SPEF2: variants seen among roughly 807,000 people sequenced by gnomAD.
SPEF2 encodes the protein sperm flagella and cilia-associated protein 2.
A neutral mutation model predicts 224.6 loss-of-function variants in SPEF2; 187 were observed. The ratio of observed to expected loss-of-function variants is 0.83; its 90% CI spans 0.74 to 0.94. SPEF2 has a LOEUF of 0.94. Ranked by LOEUF, SPEF2 falls within the 40% of genes least tolerant of loss-of-function variation. The pLI is 0.00. For synonymous variants in SPEF2, 715 were observed against 707.3 expected, an observed-to-expected ratio of 1.01 and a Z score of -0.17; for missense variants, 2,170 against 2,135.6, an observed-to-expected ratio of 1.02 and a Z score of -0.32.
intron 2 of SPEF2, 138 bp from the exon 3 acceptor site, chr5:35,641,293 T>G: frequency 1.1e-6 from 1 of 912,528 alleles, no homozygotes; most frequent in Non-Finnish European, 1.6e-6. Flanking sequence ...TACATTAGAG[T>G]GGTTTTAGAG....
At chr5:35,719,133 T>G (rs1743153151) in intron 20 of SPEF2, among the ~76,000 whole-genome samples, 1 of 152,188 alleles carries the variant, frequency 6.6e-6, no homozygotes, top group Non-Finnish European at 1.5e-5. Context: ...GATAATTGCT[T>G]AGAACTAGAA....
intron 14 of SPEF2, 85 bp downstream of exon 14, chr5:35,695,881 G>C: frequency 1.0e-6 from 1 of 972,848 alleles, no homozygotes; most frequent in Non-Finnish European, 1.5e-6. Context: ...CGAATGCAAT[G>C]AAATTGCAAT....
rs2149575264 is a variant in SPEF2 at position 35,704,578 on chromosome 5, C to T, written c.2423C>T (p.Ala808Val). The change falls in exon 17 of 37, where the codon GCT (alanine) becomes GTT (valine). Residue 808 changes from alanine (A) to valine (V), a missense_variant. Ala to Val is a moderately conservative substitution (Grantham distance 64, BLOSUM62 0). Coordinates refer to ENST00000356031, the MANE Select transcript of SPEF2 (RefSeq NM_024867.4). ...GCTGAAGAATTGTCCTATAAAACTG[C>T]TCACGAAGATATCAGTCAACGTGTA... ...IIAEELSYKT[A>V]HEDISQRVAA... 6.2e-7 allele frequency: 1 copy of T among 1,612,016 alleles called. No homozygotes were observed. Among genetic ancestry groups the T allele is most frequent in the Non-Finnish European group, 8.5e-7 (1 of 1,178,970 alleles).
At chr5:35,771,405 T>C (rs1752835233) in intron 26 of SPEF2, among the ~76,000 whole-genome samples, 1 of 152,064 alleles carries the variant, frequency 6.6e-6, no homozygotes, top group African/African-American at 2.4e-5. Context: ...ACATAGATGG[T>C]GGAAGGGAAG....
intron 1 of SPEF2, among the ~76,000 whole-genome samples, chr5:35,623,030 T>C (rs981737121): frequency 6.6e-6 from 1 of 152,226 alleles, no homozygotes; most frequent in African/African-American, 2.4e-5. Flanking sequence ...AGGACACATC[T>C]GTAGTTGAAC....
chr5:35,802,302 G>T (rs1757528381), intron 34 of SPEF2, among the ~76,000 whole-genome samples: 1 of 152,150 alleles, frequency 6.6e-6, no homozygotes, highest in Non-Finnish European at 1.5e-5. Flanking sequence ...CACTCTCTCA[G>T]CAAGGCCCAG....
chr5:35,769,757 C>A (rs867694345), intron 26 of SPEF2, among the ~76,000 whole-genome samples: 1 of 152,024 alleles, frequency 6.6e-6, no homozygotes, highest in Admixed American at 6.6e-5. Flanking sequence ...TTGGAGAAGG[C>A]GGGAACTGGC....
intron 20 of SPEF2, among the ~76,000 whole-genome samples, chr5:35,720,031 G>T (rs1743330007): frequency 6.6e-6 from 1 of 152,186 alleles, no homozygotes; most frequent in African/African-American, 2.4e-5. Context: ...TCCTTAAAGG[G>T]AAGCATACCC....
chr5:35,808,519 G>C (rs954596014), intron 36 of SPEF2, among the ~76,000 whole-genome samples: 1 of 151,878 alleles, frequency 6.6e-6, no homozygotes, highest in Non-Finnish European at 1.5e-5. Context: ...CTGTCCTTGC[G>C]ATAGTTTGCT....
intron 26 of SPEF2, among the ~76,000 whole-genome samples, chr5:35,767,047 A>T (rs929970021): frequency 2.0e-5 from 3 of 151,622 alleles, no homozygotes; most frequent in Admixed American, 2.0e-4. Context: ...TTATATACAA[A>T]TATTTTGATA....
chr5:35,664,084 T>C (rs183591127), intron 8 of SPEF2, among the ~76,000 whole-genome samples: 122 of 152,242 alleles, frequency 8.0e-4, no homozygotes, highest in South Asian at 5.4e-3. Flanking sequence ...CAATTAATAC[T>C]TGTTTTCAAA....
chr5:35,640,169 G>T (rs1010148693), intron 2 of SPEF2, among the ~76,000 whole-genome samples: 4 of 152,118 alleles, frequency 2.6e-5, no homozygotes, highest in Non-Finnish European at 4.4e-5. Context: ...TTTCTTGAGT[G>T]CAGGGCTAAG....
At chr5:35,635,608 A>G (rs1469652917) in intron 2 of SPEF2, among the ~76,000 whole-genome samples, 1 of 152,190 alleles carries the variant, frequency 6.6e-6, no homozygotes, top group Admixed American at 6.5e-5. Context: ...TAGCATTCCT[A>G]TGTATAATGT....
intron 27 of SPEF2, 124 bp from the exon 28 acceptor site, chr5:35,773,769 T>C: frequency 8.8e-7 from 1 of 1,137,242 alleles, no homozygotes; most frequent in South Asian, 2.1e-5. Context: ...CAAGGTTTCA[T>C]TGTTTCCGAA....
chr5:35,758,685 G>A (rs1003101764), intron 24 of SPEF2, among the ~76,000 whole-genome samples: 2 of 152,130 alleles, frequency 1.3e-5, no homozygotes, highest in Admixed American at 6.5e-5. Context: ...GAACAAGAAA[G>A]GAAATTGTGG....
At chr5:35,691,830 G>C (rs115748545) in intron 11 of SPEF2, among the ~76,000 whole-genome samples, 1 of 151,600 alleles carries the variant, frequency 6.6e-6, no homozygotes, top group Non-Finnish European at 1.5e-5. Flanking sequence ...ACAGAGTCTC[G>C]CTCTGTTGGC....
chr5:35,764,921 T>C, intron 26 of SPEF2, among the ~76,000 whole-genome samples: 1 of 152,140 alleles, frequency 6.6e-6, no homozygotes, highest in East Asian at 1.9e-4. Context: ...GATTTTCACA[T>C]ACATAAGGAA....
chr5:35,699,208 T>G (rs1738045585), intron 15 of SPEF2: 1 of 152,122 alleles, frequency 6.6e-6, no homozygotes, highest in Non-Finnish European at 1.5e-5. Context: ...GGCCCCAAAG[T>G]AGACTCAGAA....
chr5:35,730,531 C>T (rs1745474930), intron 21 of SPEF2, among the ~76,000 whole-genome samples: 3 of 152,216 alleles, frequency 2.0e-5, no homozygotes, highest in Admixed American at 2.0e-4. Flanking sequence ...GACTCTACGG[C>T]CAAAAGTATA....
Sources: allele counts gnomAD v4.1 joint callset (sites outside exome capture counted in the v4.1 genomes callset), GRCh38; gene constraint gnomAD v4.1.1; transcripts MANE v1.5; gene names NCBI Gene and HGNC (gene_info 2026-07-23, HGNC 2026-07-21).